SORCS1: variants seen among roughly 807,000 people sequenced by gnomAD.
The protein encoded by SORCS1 is VPS10 domain-containing receptor SorCS1.
Under a neutral mutation model 146.1 loss-of-function variants are expected in SORCS1, and 60 were observed. The ratio of observed to expected loss-of-function variants is 0.41; its 90% CI spans 0.33 to 0.51. SORCS1 has a LOEUF of 0.51. Ranked by LOEUF, SORCS1 falls within the 20% of genes least tolerant of loss-of-function variation. The pLI is 0.21. For synonymous variants in SORCS1, 637 were observed against 584.0 expected (o/e 1.09, Z -1.31); for missense variants, 1,352 against 1,487.6 (o/e 0.91, Z 1.50).
At chr10:106,900,194 A>G (rs1019469527) in intron 2 of SORCS1, among the ~76,000 whole-genome samples, 1 of 152,000 alleles carries the variant, frequency 6.6e-6, no homozygotes, top group Non-Finnish European at 1.5e-5. Context: ...CGCTTACCAC[A>G]CTGTTGGCTT....
Position 106,621,526 on chromosome 10 carries a change from T to C in SORCS1, c.2663-965A>G, listed in dbSNP as rs550217987. ...CAGACTTTTCTACTAGGCAACACCA[T>C]CCACACCTTAACCTTCAAATATCAA... is the stretch of plus-strand genomic sequence containing the variant. On this transcript the variant is annotated intron_variant, in intron 19 of 25. Transcript: ENST00000263054. 4.0e-5 allele frequency among the ~76,000 whole-genome samples: 6 copies of C among 151,800 alleles called. No homozygotes were observed. In the South Asian group the frequency reaches 1.2e-3, roughly 32 times the overall value.
rs960656759 is a variant in SORCS1, at chr10:106,758,816, G to A, written c.959+2772C>T. 1.1e-4 allele frequency among the ~76,000 whole-genome samples: 17 copies of A among 152,204 alleles called. No homozygotes were observed. The South Asian group carries it at 2.5e-3, about 22-fold the overall frequency. On this transcript the variant is annotated intron_variant, in intron 5 of 25. Coordinates refer to ENST00000263054, the MANE Select transcript of SORCS1 (RefSeq NM_052918.5). ...AGTTGAGATCCTGGAGAAAGAAGAT[G>A]TCAATTTGGACTTTAGAAGCAAGGC...
the SORCS1 span, among the ~76,000 whole-genome samples, chr10:107,172,220 CT>C: frequency 1.3e-5 from 2 of 152,198 alleles, no homozygotes; most frequent in Non-Finnish European, 2.9e-5. Context: ...TCTTCTTAGA[CT>C]TCCATTAACT....
chr10:106,663,840 T>C (rs1257128073), intron 17 of SORCS1, among the ~76,000 whole-genome samples: 1 of 152,186 alleles, frequency 6.6e-6, no homozygotes, highest in Non-Finnish European at 1.5e-5. Context: ...TGCTGATCAG[T>C]GGGGTTATTA....
chr10:106,651,167 G>T (rs1009574931), intron 18 of SORCS1, among the ~76,000 whole-genome samples: 1 of 152,172 alleles, frequency 6.6e-6, no homozygotes, highest in Non-Finnish European at 1.5e-5. Context: ...TTGGACCAGA[G>T]ATATGCACAT....
intron 24 of SORCS1, among the ~76,000 whole-genome samples, chr10:106,579,964 T>C (rs1844806440): frequency 6.6e-6 from 1 of 151,772 alleles, no homozygotes; most frequent in Non-Finnish European, 1.5e-5. Flanking sequence ...ATAATAATTA[T>C]ATTTTATTAT....
At chr10:106,725,858 G>A (rs539059519) in intron 6 of SORCS1, among the ~76,000 whole-genome samples, 1 of 150,118 alleles carries the variant, frequency 6.7e-6, no homozygotes, top group African/African-American at 2.5e-5. Flanking sequence ...TTGAACCCAG[G>A]GGGCAGAGGT....
chr10:106,600,287 C>T, intron 23 of SORCS1: 1 of 953,428 alleles, frequency 1.0e-6, no homozygotes, highest in South Asian at 4.9e-5. Context: ...GTGTCACTTA[C>T]AAAATTTTAA....
chr10:106,985,651 C>T (rs956470614), intron 1 of SORCS1, among the ~76,000 whole-genome samples: 2 of 151,932 alleles, frequency 1.3e-5, no homozygotes, highest in Non-Finnish European at 2.9e-5. Context: ...ATTCTCCTGC[C>T]TCAGCTTCCC....
At chr10:107,058,322 T>C (rs1960848077) in intron 1 of SORCS1, among the ~76,000 whole-genome samples, 1 of 152,182 alleles carries the variant, frequency 6.6e-6, no homozygotes, top group African/African-American at 2.4e-5. Flanking sequence ...ATTACAGCCA[T>C]GAGCCACCAT....
At chr10:107,054,944 G>A (rs1960460280) in intron 1 of SORCS1, among the ~76,000 whole-genome samples, 2 of 152,186 alleles carry the variant, frequency 1.3e-5, no homozygotes, top group East Asian at 1.9e-4. Context: ...CCTAATAAGT[G>A]TTGGCCACTC....
intron 2 of SORCS1, among the ~76,000 whole-genome samples, chr10:106,872,058 A>C (rs150100404): frequency 6.6e-6 from 1 of 152,386 alleles, no homozygotes; most frequent in Non-Finnish European, 1.5e-5. Context: ...CATGGAGCTT[A>C]AATTCTAGTG....
intron 1 of SORCS1, among the ~76,000 whole-genome samples, chr10:107,080,143 CA>C (rs1422910477): frequency 6.6e-6 from 1 of 152,150 alleles, no homozygotes; most frequent in Non-Finnish European, 1.5e-5. Flanking sequence ...CCATTTTGAA[CA>C]ACCTGCTTCT....
chr10:107,142,457 T>C (rs1967930718), intron 1 of SORCS1, among the ~76,000 whole-genome samples: 1 of 152,244 alleles, frequency 6.6e-6, no homozygotes, highest in Admixed American at 6.5e-5. Flanking sequence ...AGAAAGGCAC[T>C]GTGTTAGGCA....
chr10:107,065,447 C>CTTTCTTTCTTTCTTTCTTTCT (rs1554937440), intron 1 of SORCS1, among the ~76,000 whole-genome samples: 2 of 122,762 alleles, frequency 1.6e-5, no homozygotes, highest in Non-Finnish European at 3.6e-5. Context: ...TTCTTTCTTT[C>CTTTCTTTCTTTCTTTCTTTCT]TTTTCTCTCT....
At chr10:106,841,720 A>G (rs2137141162) in intron 2 of SORCS1, among the ~76,000 whole-genome samples, 1 of 152,260 alleles carries the variant, frequency 6.6e-6, no homozygotes, top group Admixed American at 6.5e-5. Context: ...TCACTTAGTG[A>G]TATACATCTC....
intron 2 of SORCS1, among the ~76,000 whole-genome samples, chr10:106,895,951 G>GTATATA (rs57578016): frequency 8.9e-4 from 134 of 150,968 alleles, no homozygotes; most frequent in African/African-American, 3.0e-3. Flanking sequence ...GTGTGTGTGT[G>GTATATA]TATATATATA....
At chr10:107,074,746 T>C (rs1590075320) in intron 1 of SORCS1, among the ~76,000 whole-genome samples, 1 of 152,158 alleles carries the variant, frequency 6.6e-6, no homozygotes. Context: ...TTCTCATACA[T>C]GTGTAGTGGT....
intron 23 of SORCS1, chr10:106,600,259 G>A: frequency 1.4e-5 from 13 of 897,392 alleles, no homozygotes; most frequent in Non-Finnish European, 1.7e-5. Flanking sequence ...TTACAACATT[G>A]TTTCATTGGC....
Sources: gnomAD v4.1 joint callset for allele counts (sites outside exome capture counted in the v4.1 genomes callset) on GRCh38, gnomAD v4.1.1 for gene constraint, MANE v1.5 for transcripts, NCBI Gene and HGNC (gene_info 2026-07-23, HGNC 2026-07-21) for gene names.